CCSER1: variants seen among roughly 807,000 people sequenced by gnomAD.
CCSER1 encodes the protein coiled-coil serine rich protein 1.
Under a neutral mutation model 82.0 loss-of-function variants are expected in CCSER1, and 41 were observed. That is an observed-to-expected ratio of 0.50 (90% CI 0.39 to 0.65). CCSER1 has a LOEUF of 0.65. Among genes scored for constraint, CCSER1 ranks in the 30% least tolerant of loss-of-function variants. The pLI, the probability that CCSER1 is intolerant of heterozygous loss-of-function variation, is 0.00. For synonymous variants in CCSER1, 414 were observed against 383.9 expected (o/e 1.08, Z -0.92); for missense variants, 1,119 against 1,064.2 (o/e 1.05, Z -0.72).
intron 10 of CCSER1, among the ~76,000 whole-genome samples, chr4:91,503,207 T>G (rs904851681): frequency 6.6e-6 from 1 of 151,842 alleles, no homozygotes; most frequent in South Asian, 2.1e-4. Context: ...CTGGGCGTGG[T>G]GGCGGGCGCC....
At chr4:91,598,437 T>C (rs927995663) in intron 10 of CCSER1, 135 bp from the exon 11 acceptor site, 6 of 896,720 alleles carry the variant, frequency 6.7e-6, no homozygotes, top group Admixed American at 6.0e-5. Flanking sequence ...CCATGGTTAA[T>C]TGTATTGATA....
chr4:90,964,565 A>G (rs1203762356), intron 9 of CCSER1, among the ~76,000 whole-genome samples: 1 of 151,800 alleles, frequency 6.6e-6, no homozygotes, highest in Non-Finnish European at 1.5e-5. Flanking sequence ...TCTACTAAAA[A>G]TACAAAAAAC....
At chr4:90,511,685 A>C (rs555265689) in intron 5 of CCSER1, among the ~76,000 whole-genome samples, 540 of 152,332 alleles carry the variant, frequency 3.5e-3, no homozygotes, top group Middle Eastern at 0.017. Context: ...AAGATGAAAG[A>C]TTTATACAAT....
At chr4:90,417,083 C>T (rs1017367102) in intron 4 of CCSER1, among the ~76,000 whole-genome samples, 2 of 152,064 alleles carry the variant, frequency 1.3e-5, no homozygotes, top group African/African-American at 2.4e-5. Flanking sequence ...AGAATTAGGA[C>T]AAATACCTAA....
At chr4:91,059,175 A>G (rs745713931) in intron 9 of CCSER1, among the ~76,000 whole-genome samples, 14 of 151,864 alleles carry the variant, frequency 9.2e-5, no homozygotes, top group Non-Finnish European at 2.1e-4. Flanking sequence ...GTCACATTCT[A>G]ATTTGGTTTA....
At chr4:91,590,086 T>G (rs1578869224) in intron 10 of CCSER1, among the ~76,000 whole-genome samples, 2 of 152,070 alleles carry the variant, frequency 1.3e-5, no homozygotes, top group African/African-American at 4.8e-5. Flanking sequence ...AGAGGTGCTG[T>G]GATTTTACTC....
chr4:91,099,190 T>C (rs1026911717), intron 10 of CCSER1, among the ~76,000 whole-genome samples: 14 of 152,210 alleles, frequency 9.2e-5, no homozygotes, highest in Non-Finnish European at 1.9e-4. Context: ...AGTTCAACTT[T>C]AGAGATCCCA....
intron 10 of CCSER1, among the ~76,000 whole-genome samples, chr4:91,219,308 C>CTTTT (rs59884169): frequency 3.7e-4 from 37 of 99,904 alleles, no homozygotes; most frequent in African/African-American, 7.4e-4. Flanking sequence ...TACAGTTTGG[C>CTTTT]TTTTTTTTTT....
chr4:90,614,757 G>A (rs140982350), intron 5 of CCSER1, among the ~76,000 whole-genome samples: 1 of 152,196 alleles, frequency 6.6e-6, no homozygotes, highest in Non-Finnish European at 1.5e-5. Flanking sequence ...AAATAAAAGT[G>A]TAAGGTAAAG....
At chr4:90,432,422 A>T (rs1290094248) in intron 4 of CCSER1, among the ~76,000 whole-genome samples, 1 of 152,154 alleles carries the variant, frequency 6.6e-6, no homozygotes, top group East Asian at 1.9e-4. Flanking sequence ...TGTGAACATA[A>T]CTAGTTACTT....
rs78224528 is a variant in CCSER1 at position 90,531,709 on chromosome 4, A to G, written c.1724+63355A>G. 5.6e-4 allele frequency among the ~76,000 whole-genome samples: 86 copies of G among 152,326 alleles called. No individual in the cohort carries two copies. In the East Asian group the frequency reaches 7.7e-3, roughly 14 times the overall value. On this transcript the variant is annotated intron_variant, in intron 5 of 10. Transcript: ENST00000509176. ...GTTATTTTTTACCCAAATGTATAAT[A>G]TTGTTAAATAGCATCACTGAAAATT...
chr4:90,458,611 C>T (rs761348566), intron 4 of CCSER1, among the ~76,000 whole-genome samples: 3 of 151,964 alleles, frequency 2.0e-5, no homozygotes, highest in Non-Finnish European at 4.4e-5. Flanking sequence ...CACCTCAGCT[C>T]CCCATATTGC....
intron 10 of CCSER1, among the ~76,000 whole-genome samples, chr4:91,199,574 A>G (rs2149064334): frequency 6.6e-6 from 1 of 152,168 alleles, no homozygotes; most frequent in East Asian, 1.9e-4. Context: ...TTTTCAAGCC[A>G]TTTGGAGCTT....
intron 1 of CCSER1, among the ~76,000 whole-genome samples, chr4:90,300,364 G>A (rs1006271707): frequency 5.9e-5 from 9 of 152,080 alleles, no homozygotes; most frequent in African/African-American, 2.2e-4. Flanking sequence ...AGAAAAGGCA[G>A]AGCTCTATAC....
intron 10 of CCSER1, among the ~76,000 whole-genome samples, chr4:91,302,847 T>C (rs913385882): frequency 4.0e-5 from 6 of 151,838 alleles, no homozygotes; most frequent in Non-Finnish European, 8.8e-5. Context: ...TCGGTGCAAA[T>C]TTTATAGTTT....
At chr4:91,261,390 C>G (rs914595875) in intron 10 of CCSER1, among the ~76,000 whole-genome samples, 1 of 152,148 alleles carries the variant, frequency 6.6e-6, no homozygotes, top group Non-Finnish European at 1.5e-5. Context: ...TTAATTGCTT[C>G]TCTTATGACA....
chr4:90,878,683 G>A, intron 8 of CCSER1, among the ~76,000 whole-genome samples: 1 of 152,110 alleles, frequency 6.6e-6, no homozygotes, highest in Non-Finnish European at 1.5e-5. Flanking sequence ...ACTCGCTTAA[G>A]ATATTAATCT....
chr4:91,592,284 A>G (rs1764304847), intron 10 of CCSER1, among the ~76,000 whole-genome samples: 4 of 152,182 alleles, frequency 2.6e-5, no homozygotes, highest in Admixed American at 2.6e-4. Flanking sequence ...TGATCTCGTG[A>G]GAACTCATTC....
chr4:91,182,595 G>A (rs191068476), intron 10 of CCSER1, among the ~76,000 whole-genome samples: 8 of 152,312 alleles, frequency 5.3e-5, no homozygotes, highest in Non-Finnish European at 8.8e-5. Context: ...TACCAGTAAT[G>A]TGTTTAATAT....
Sources: allele counts gnomAD v4.1 joint callset (sites outside exome capture counted in the v4.1 genomes callset), GRCh38; gene constraint gnomAD v4.1.1; transcripts MANE v1.5; gene names NCBI Gene and HGNC (gene_info 2026-07-23, HGNC 2026-07-21).